CA4: variants seen among roughly 807,000 people sequenced by gnomAD.
CA4 encodes CA-IV.
CA4 carries 24 observed loss-of-function variants against 34.5 expected under a neutral mutation model. The ratio of observed to expected loss-of-function variants is 0.70; its 90% CI spans 0.50 to 0.98. CA4 has a LOEUF of 0.98. CA4 is among the 50% of genes least tolerant of loss of function. The pLI, the probability that CA4 is intolerant of heterozygous loss-of-function variation, is 0.00. For synonymous variants in CA4, 178 were observed against 170.6 expected (o/e 1.04, Z -0.34); for missense variants, 394 against 396.7 (o/e 0.99, Z 0.06).
At chr17:60,169,262 A>AAAAAAAAAAAAAAAGCAGC (rs1555574044) in intron 5 of CA4, among the ~76,000 whole-genome samples, 12 of 149,770 alleles carry the variant, frequency 8.0e-5, no homozygotes, top group African/African-American at 3.0e-4. Context: ...AAAAAAAAAA[A>AAAAAAAAAAAAAAAGCAGC]AGCAGCAGCA....
chr17:60,161,240 G>C (rs944647049), downstream of CA4, among the ~76,000 whole-genome samples: 1 of 152,022 alleles, frequency 6.6e-6, no homozygotes, highest in South Asian at 2.1e-4. Flanking sequence ...TGGTGAGAGG[G>C]GGTCCAGGAC....
intron 2 of CA4, among the ~76,000 whole-genome samples, 156 bp downstream of exon 2, chr17:60,155,523 ACTCTCTCT>A (rs1216768588): frequency 6.8e-6 from 1 of 146,294 alleles, no homozygotes; most frequent in South Asian, 2.1e-4. Flanking sequence ...ACACACACAC[ACTCTCTCT>A]CTCTCTCTCA....
intron 1 of CA4, among the ~76,000 whole-genome samples, chr17:60,152,967 C>T (rs943445329): frequency 6.6e-6 from 1 of 152,170 alleles, no homozygotes; most frequent in African/African-American, 2.4e-5. Flanking sequence ...ATAATATTTA[C>T]TACACAGACC....
chr17:60,159,687 C>T, downstream of CA4: 1 of 587,630 alleles, frequency 1.7e-6, no homozygotes, highest in Non-Finnish European at 3.0e-6. Context: ...GTCCCCACTC[C>T]CGTTCTATGT....
intron 2 of CA4, 67 bp from the exon 3 acceptor site, chr17:60,156,493 G>C: frequency 6.6e-7 from 1 of 1,513,050 alleles, no homozygotes. Context: ...TGACTTCAGT[G>C]GGGTGGTGGG....
At chr17:60,150,955 C>T (rs1212583940) in intron 1 of CA4, among the ~76,000 whole-genome samples, 2 of 152,206 alleles carry the variant, frequency 1.3e-5, no homozygotes, top group Non-Finnish European at 2.9e-5. Flanking sequence ...GACCCGGAGC[C>T]CCAAGGCCTC....
chr17:60,178,308 A>C, the CA4 span, among the ~76,000 whole-genome samples: 2 of 152,270 alleles, frequency 1.3e-5, no homozygotes, highest in African/African-American at 2.4e-5. Flanking sequence ...AGAAAAGAAC[A>C]ACCACTAATT....
At chr17:60,155,177 A>G (rs1334600121) in intron 1 of CA4, 137 bp from the exon 2 acceptor site, 1 of 766,094 alleles carries the variant, frequency 1.3e-6, no homozygotes. Flanking sequence ...TGGGCCCTCA[A>G]TCCTGCTGCC....
chr17:60,177,585 C>T, the CA4 span, among the ~76,000 whole-genome samples: 2 of 152,162 alleles, frequency 1.3e-5, no homozygotes, highest in African/African-American at 2.4e-5. Flanking sequence ...TTAAAATCTT[C>T]CACTTTTTAA....
the CA4 span, among the ~76,000 whole-genome samples, chr17:60,176,277 G>A: frequency 4.7e-4 from 71 of 152,270 alleles, no homozygotes; most frequent in African/African-American, 1.6e-3. Context: ...GTTGGATTGA[G>A]CACTTACCAA....
Position 60,158,133 on chromosome 17 carries a change from T to C in CA4, c.580+6T>C, listed in dbSNP as rs2083726744. The stretch of plus-strand genomic sequence containing the variant: ...GTCTAATATCCCCAAACCTGGTGAG[T>C]CAGGATGGGGGAGAAGGGCTTGGGG... On this transcript the variant is annotated splice_donor_region_variant and intron_variant, in intron 6 of 7. Coordinates refer to ENST00000300900, the MANE Select transcript of CA4 (RefSeq NM_000717.5). 3 of 1,612,522 alleles carry C rather than the reference T, an allele frequency of 1.9e-6. No individual in the cohort carries two copies. In the East Asian group the frequency reaches 6.7e-5, roughly 36 times the overall value.
rs1484076362 is a variant in CA4, at chr17:60,157,934, C to A, written c.514-127C>A. ...TTTCTGGGGTTGCATGTCCCCGGGC[C>A]AGGTGGGGAGCCCAGAGCCTCAATC... is the stretch of plus-strand genomic sequence containing the variant. On this transcript the variant is annotated intron_variant, in intron 5 of 7. Coordinates refer to ENST00000300900, the MANE Select transcript of CA4 (RefSeq NM_000717.5). 1.9e-6 allele frequency: 3 copies of A among 1,553,364 alleles called. No homozygotes were observed. The Admixed American group carries it at 5.8e-5, about 30-fold the overall frequency.
intron 1 of CA4, 93 bp downstream of exon 1, chr17:60,150,185 C>G (rs1476769460): frequency 9.5e-7 from 1 of 1,050,274 alleles, no homozygotes; most frequent in African/African-American, 1.6e-5. Flanking sequence ...CGCGGGCGAC[C>G]GGTGAGCGTC....
rs201915875 is a variant in CA4, at chr17:60,157,499, T to C, written c.341T>C (p.Leu114Ser). ...GLPAPYQAKQ[L>S]HLHWSDLPYK... is the part of the protein sequence containing the mutation. ...CCTGCCCCATACCAGGCCAAACAGT[T>C]GCACCTGCACTGGTCCGACTTGCCA... The change falls in exon 4 of 8, where the codon TTG becomes TCG. Residue 114 changes from leucine (L) to serine (S), a missense_variant. Coordinates refer to ENST00000300900, the MANE Select transcript of CA4 (RefSeq NM_000717.5). The C allele has an allele frequency of 3.1e-5, 50 of 1,614,176 alleles. No individual in the cohort carries two copies. The Admixed American group carries it at 8.0e-4, about 26-fold the overall frequency.
downstream of CA4, among the ~76,000 whole-genome samples, chr17:60,171,096 T>C (rs1458193981): frequency 6.6e-6 from 1 of 152,196 alleles, no homozygotes; most frequent in East Asian, 1.9e-4. Context: ...GAAACATGCA[T>C]AGCATGGGGT....
At chr17:60,151,835 G>A (rs1455443548) in intron 1 of CA4, among the ~76,000 whole-genome samples, 6 of 152,110 alleles carry the variant, frequency 3.9e-5, no homozygotes, top group Non-Finnish European at 7.4e-5. Context: ...TGCATATGGC[G>A]ACCCCCAGAG....
chr17:60,169,395 G>A (rs1026261679), intron 5 of CA4, among the ~76,000 whole-genome samples: 2 of 152,140 alleles, frequency 1.3e-5, no homozygotes, highest in Non-Finnish European at 1.5e-5. Context: ...AACTATCAAC[G>A]TAAACACAAT....
intron 1 of CA4, 50 bp from the exon 2 acceptor site, chr17:60,155,264 A>T: frequency 6.5e-7 from 1 of 1,548,174 alleles, no homozygotes; most frequent in South Asian, 1.1e-5. Flanking sequence ...TGTGTGTGTG[A>T]GCAACAAGAC....
chr17:60,150,328 G>A (rs971125694), intron 1 of CA4, among the ~76,000 whole-genome samples: 1 of 152,216 alleles, frequency 6.6e-6, no homozygotes, highest in African/African-American at 2.4e-5. Flanking sequence ...GGTGTGCGCG[G>A]TGAGGGTGTG....
Sources: gnomAD v4.1 joint callset for allele counts (sites outside exome capture counted in the v4.1 genomes callset) on GRCh38, gnomAD v4.1.1 for gene constraint, MANE v1.5 for transcripts, NCBI Gene and HGNC (gene_info 2026-07-23, HGNC 2026-07-21) for gene names.